MTMR14: variants seen among roughly 807,000 people sequenced by gnomAD.
MTMR14 encodes myotubularin related protein 14.
A neutral mutation model predicts 86.3 loss-of-function variants in MTMR14; 48 were observed. That is an observed-to-expected ratio of 0.56 (90% CI 0.44 to 0.71). The LOEUF (loss-of-function observed/expected upper bound fraction) is 0.71, where lower values mean the gene tolerates loss of function less well. MTMR14 is among the 30% of genes least tolerant of loss of function. MTMR14 has a pLI of 0.00. For missense variants in MTMR14, 780 were observed against 834.6 expected, an observed-to-expected ratio of 0.93 and a Z score of 0.81; for synonymous variants, 366 against 326.1, an observed-to-expected ratio of 1.12 and a Z score of -1.32.
chr3:9,688,769 C>G lies in MTMR14; in HGVS notation c.1294+15C>G. 1 of 1,614,126 alleles carries G rather than the reference C, an allele frequency of 6.2e-7. No homozygotes were observed. The highest frequency in any genetic ancestry group is 1.3e-5 in the African/African-American group (1 of 75,036). ...CTGCATGCTGAGTGAGTCCTGGGCC[C>G]CAACAGACTTCCCTTCCTCCATACA... On this transcript the variant is annotated intron_variant, in intron 15 of 18. Transcript: ENST00000296003.
At chr3:9,663,552 T>C (rs1299756141) in intron 3 of MTMR14, among the ~76,000 whole-genome samples, 11 of 137,148 alleles carry the variant, frequency 8.0e-5, no homozygotes, top group Non-Finnish European at 1.5e-4. Flanking sequence ...CTTGCTCTGC[T>C]GCCCAGGCTG....
At chr3:9,691,615 C>T (rs142794891) in intron 17 of MTMR14, among the ~76,000 whole-genome samples, 2 of 152,326 alleles carry the variant, frequency 1.3e-5, no homozygotes, top group East Asian at 1.9e-4. Context: ...CCCCATCACC[C>T]GTTACCACAC....
chr3:9,686,623 T>G (rs151075171), intron 13 of MTMR14, among the ~76,000 whole-genome samples: 199 of 152,332 alleles, frequency 1.3e-3, no homozygotes, highest in African/African-American at 4.6e-3. Context: ...TATTAAAGAC[T>G]ACAAAGTCTG....
intron 16 of MTMR14, among the ~76,000 whole-genome samples, chr3:9,689,601 G>A (rs1446347104): frequency 3.9e-5 from 6 of 152,178 alleles, no homozygotes; most frequent in Admixed American, 6.5e-5. Flanking sequence ...GGCCAAGGCA[G>A]GAGGATCACT....
At chr3:9,651,769 G>C (rs1289007409) in intron 1 of MTMR14, among the ~76,000 whole-genome samples, 2 of 151,730 alleles carry the variant, frequency 1.3e-5, no homozygotes, top group Admixed American at 1.3e-4. Flanking sequence ...GGATTCAAGC[G>C]ATCCTCCTGC....
intron 17 of MTMR14, among the ~76,000 whole-genome samples, chr3:9,697,272 G>C (rs1476022371): frequency 6.6e-6 from 1 of 152,132 alleles, no homozygotes; most frequent in Non-Finnish European, 1.5e-5. Flanking sequence ...CCTGGGTTCT[G>C]TGTTGCCCAC....
At chr3:9,696,154 C>T (rs2076276079) in intron 17 of MTMR14, among the ~76,000 whole-genome samples, 1 of 152,170 alleles carries the variant, frequency 6.6e-6, no homozygotes, top group Non-Finnish European at 1.5e-5. Context: ...TTTCCCTGGT[C>T]CCAAGGTGGT....
intron 7 of MTMR14, among the ~76,000 whole-genome samples, chr3:9,674,499 G>A (rs1334346384): frequency 2.6e-5 from 4 of 152,166 alleles, no homozygotes; most frequent in African/African-American, 7.2e-5. Flanking sequence ...TAGAAGAATC[G>A]AAAATGGGCT....
chr3:9,660,340 A>T (rs293793), intron 2 of MTMR14, among the ~76,000 whole-genome samples: 1 of 151,340 alleles, frequency 6.6e-6, no homozygotes, highest in Non-Finnish European at 1.5e-5. Context: ...CTCACTGCAA[A>T]CTCTGCCTCC....
intron 17 of MTMR14, among the ~76,000 whole-genome samples, chr3:9,690,436 TC>T (rs1241781008): frequency 1.3e-5 from 2 of 152,184 alleles, no homozygotes; most frequent in African/African-American, 2.4e-5. Flanking sequence ...CTTTGGCAGA[TC>T]CCAGCCTCCT....
chr3:9,650,973 A>T (rs1209502224), intron 1 of MTMR14, among the ~76,000 whole-genome samples: 2 of 152,122 alleles, frequency 1.3e-5, no homozygotes, highest in Non-Finnish European at 2.9e-5. Flanking sequence ...AGTTTTTAGT[A>T]GAGATGGAGT....
chr3:9,672,744 C>G lies in MTMR14; in HGVS notation c.737C>G (p.Ser246Cys). 1 of 1,614,190 alleles carries G rather than the reference C, an allele frequency of 6.2e-7. No homozygotes were observed. The highest frequency in any genetic ancestry group is 8.5e-7 in the Non-Finnish European group (1 of 1,180,020). The change falls in exon 7 of 19, where the codon TCC becomes TGC. Residue 246 changes from serine (S) to cysteine (C), a missense_variant. Ser to Cys is a moderately radical substitution (Grantham distance 112, BLOSUM62 -1). Coordinates refer to ENST00000296003, the MANE Select transcript of MTMR14 (RefSeq NM_001077525.3). ...CGCTATGCCGACTTCACTCTCCTCT[C>G]CATCCCGTATCCAGGTAGGGGGCTC... Reference protein sequence around the residue: ...AQRYADFTLLSIPYPGCEFFK... With the variant: ...AQRYADFTLLCIPYPGCEFFK...
At chr3:9,697,327 G>T (rs1039578004) in intron 17 of MTMR14, among the ~76,000 whole-genome samples, 1 of 152,178 alleles carries the variant, frequency 6.6e-6, no homozygotes, top group Non-Finnish European at 1.5e-5. Context: ...CCGGCTGGCT[G>T]CTGGGTCACC....
At chr3:9,667,904 T>C (rs1470884180) in intron 3 of MTMR14, among the ~76,000 whole-genome samples, 1 of 152,204 alleles carries the variant, frequency 6.6e-6, no homozygotes, top group African/African-American at 2.4e-5. Flanking sequence ...TCACTCCCTG[T>C]CTGTCACCTC....
At chr3:9,687,678 A>G in intron 13 of MTMR14, 143 bp from the exon 14 acceptor site, 6 of 715,526 alleles carry the variant, frequency 8.4e-6, no homozygotes, top group Non-Finnish European at 1.5e-5. Context: ...CACCCACACC[A>G]TTTATGGACC....
chr3:9,650,328 T>G (rs1230377281), intron 1 of MTMR14: 1 of 456,576 alleles, frequency 2.2e-6, no homozygotes, highest in Non-Finnish European at 4.4e-6. Flanking sequence ...TTCCACCCAG[T>G]CGTCTTATCG....
At chr3:9,687,123 C>G (rs1241357955) in intron 13 of MTMR14, among the ~76,000 whole-genome samples, 1 of 152,230 alleles carries the variant, frequency 6.6e-6, no homozygotes, top group Non-Finnish European at 1.5e-5. Flanking sequence ...TCCCTGCGCC[C>G]AAGTCATCTC....
intron 3 of MTMR14, among the ~76,000 whole-genome samples, chr3:9,664,339 GT>G (rs750077350): frequency 6.6e-6 from 1 of 151,446 alleles, no homozygotes; most frequent in East Asian, 1.9e-4. Context: ...GGTCAGACAT[GT>G]GGCTCACGGT....
In MTMR14 at chr3:9,702,147, A is replaced by AC. The variant is rs1463491969; in HGVS notation, c.*179dup. On this transcript the variant is annotated 3_prime_UTR_variant, in exon 19 of 19. Transcript: ENST00000296003. ...GCAAGGCCAAAGACAGGGTTTTCCAACCCCCAGCCTCTTGACTGGTGACCA... is the reference window on the plus strand; with the variant it reads ...GCAAGGCCAAAGACAGGGTTTTCCAACCCCCCAGCCTCTTGACTGGTGACCA... 5 of 792,516 alleles carry AC rather than the reference A, an allele frequency of 6.3e-6. No homozygotes were observed. The highest frequency in any genetic ancestry group is 1.0e-5 in the Non-Finnish European group (5 of 481,312). 49.1% of individuals were successfully genotyped at this position (792,516 alleles called of 1,614,324 possible).
Sources: allele counts gnomAD v4.1 joint callset (sites outside exome capture counted in the v4.1 genomes callset), GRCh38; gene constraint gnomAD v4.1.1; transcripts MANE v1.5; gene names NCBI Gene and HGNC (gene_info 2026-07-23, HGNC 2026-07-21).